THTPA: variants seen among roughly 807,000 people sequenced by gnomAD.
THTPA encodes the protein thiamine triphosphatase.
A neutral mutation model predicts 16.5 loss-of-function variants in THTPA; 16 were observed. The ratio of observed to expected loss-of-function variants is 0.97; its 90% confidence interval spans 0.66 to 1.47. The LOEUF (loss-of-function observed/expected upper bound fraction) is 1.47. Among genes scored for constraint, THTPA ranks in the 40% most tolerant of loss-of-function variants. The pLI is 0.00. For synonymous variants in THTPA, 110 were observed against 115.5 expected (o/e 0.95, Z 0.30); for missense variants, 281 against 280.9 (o/e 1.00, Z 0.00).
the THTPA span, chr14:23,524,303 G>A: frequency 5.2e-6 from 8 of 1,536,230 alleles, no homozygotes; most frequent in African/African-American, 1.4e-5. This position sits in a 1 kb window ranked among gnomAD's most constrained non-coding sequence, Gnocchi z 5.6. Context: ...TGTTGGGTTG[G>A]AATCCTGCAT....
the THTPA span, chr14:23,521,871 G>C: frequency 6.7e-7 from 1 of 1,502,368 alleles, no homozygotes; most frequent in Non-Finnish European, 8.8e-7. Context: ...GCCAGGGGGT[G>C]GGGTGAGGGA....
At chr14:23,551,623 G>T, upstream of THTPA, 1 of 153,492 alleles carries the variant, frequency 6.5e-6, no homozygotes, top group South Asian at 1.8e-4. This position sits in a 1 kb window ranked among gnomAD's most constrained non-coding sequence, Gnocchi z 5.3. Flanking sequence ...GGTTTCCATT[G>T]ATTCACCCTG....
chr14:23,531,541 C>T, the THTPA span: 1 of 1,518,792 alleles, frequency 6.6e-7, no homozygotes, highest in East Asian at 2.5e-5. Context: ...GCGAGTCCTT[C>T]CTCAGTGGTT....
chr14:23,514,340 GA>G, the THTPA span: 1 of 152,850 alleles, frequency 6.5e-6, no homozygotes, highest in Non-Finnish European at 1.5e-5. Context: ...CCCCAAGGAA[GA>G]AGGATGGAAA....
At position 23,559,702 on chromosome 14, in the gene THTPA, C is replaced by G. The variant is rs768677525; in HGVS notation, c.*862C>G. On this transcript the variant is annotated 3_prime_UTR_variant, in exon 2 of 2. Transcript: ENST00000288014. The stretch of plus-strand genomic sequence containing the variant: ...TGTAGGTTCGAAGCTGCTGGGGCCC[C>G]CTGGGGTTTGGGACACAGGAGAATT... The G allele has an allele frequency of 2.5e-6, 4 of 1,595,692 alleles. No individual in the cohort carries two copies. In the African/African-American group the frequency reaches 5.4e-5, roughly 21 times the overall value.
the THTPA span, chr14:23,534,439 A>G: frequency 4.6e-6 from 7 of 1,536,412 alleles, no homozygotes; most frequent in Non-Finnish European, 5.2e-6. This position sits in a 1 kb window ranked among gnomAD's most constrained non-coding sequence, Gnocchi z 4.5. Flanking sequence ...GCGAGCAGGG[A>G]GTTTTGGCTC....
At chr14:23,524,208 C>T in the THTPA span, 1 of 1,536,402 alleles carries the variant, frequency 6.5e-7, no homozygotes, top group African/African-American at 1.4e-5. The surrounding 1 kb of genome is among the most constrained non-coding windows in gnomAD (Gnocchi z 5.6). Context: ...CCTTTCCTCT[C>T]CCGGGCCCTG....
intron 1 of THTPA, 26 bp from the exon 2 acceptor site, chr14:23,558,669 T>G (rs1042997082): frequency 4.6e-5 from 74 of 1,613,854 alleles, no homozygotes; most frequent in Non-Finnish European, 5.8e-5. Context: ...TGTCCATTTC[T>G]CTCCTCATTG....
At chr14:23,522,052 A>T in the THTPA span, 43 of 1,536,354 alleles carry the variant, frequency 2.8e-5, no homozygotes, top group Non-Finnish European at 3.7e-5. Context: ...AAGCCACAGC[A>T]GCCGAGGCAG....
At chr14:23,529,648 T>C in the THTPA span, 4 of 1,416,762 alleles carry the variant, frequency 2.8e-6, no homozygotes, top group Non-Finnish European at 2.9e-6. Context: ...CTTTAGAATA[T>C]GAGCAGATCT....
the THTPA span, chr14:23,523,599 T>C: frequency 1.3e-6 from 2 of 1,554,574 alleles, no homozygotes; most frequent in Non-Finnish European, 1.7e-6. The surrounding 1 kb of genome is among the most constrained non-coding windows in gnomAD (Gnocchi z 4.1). Context: ...GCACGAGCAT[T>C]CTGGAACCAG....
chr14:23,558,395 G>A (rs1882798922), intron 1 of THTPA, among the ~76,000 whole-genome samples: 1 of 152,220 alleles, frequency 6.6e-6, no homozygotes, highest in Non-Finnish European at 1.5e-5. Context: ...ATGAGCTGAC[G>A]CTGAGGCATC....
At chr14:23,557,411 T>C in intron 1 of THTPA, 107 bp downstream of exon 1, 12 of 1,283,480 alleles carry the variant, frequency 9.3e-6, no homozygotes, top group Non-Finnish European at 1.2e-5. Context: ...AAAAATTTTT[T>C]TTTTAATAGA....
chr14:23,525,720 G>A, the THTPA span: 12 of 1,514,128 alleles, frequency 7.9e-6, no homozygotes, highest in Admixed American at 6.0e-5. The surrounding 1 kb of genome is among the most constrained non-coding windows in gnomAD (Gnocchi z 5.9). Context: ...TCCCACTCCC[G>A]CTCAGCCAGC....
chr14:23,524,957 G>A, the THTPA span: 1 of 1,536,272 alleles, frequency 6.5e-7, no homozygotes, highest in South Asian at 1.2e-5. The surrounding 1 kb of genome is among the most constrained non-coding windows in gnomAD (Gnocchi z 5.6). Flanking sequence ...GCCTCCTCCG[G>A]TTGGCATGGA....
the THTPA span, chr14:23,530,280 C>A: frequency 9.4e-7 from 1 of 1,064,524 alleles, no homozygotes; most frequent in Non-Finnish European, 1.4e-6. Context: ...GGACAAGCAG[C>A]CAGTCAATGA....
chr14:23,540,041 G>A, the THTPA span, among the ~76,000 whole-genome samples: 1 of 152,198 alleles, frequency 6.6e-6, no homozygotes, highest in African/African-American at 2.4e-5. Context: ...AGGCTGGAGT[G>A]CAGTGTCACC....
the THTPA span, among the ~76,000 whole-genome samples, chr14:23,517,087 C>T: frequency 6.6e-6 from 1 of 152,126 alleles, no homozygotes; most frequent in South Asian, 2.1e-4. Flanking sequence ...GACTTCTTTC[C>T]ATGGCTGCGG....
At chr14:23,522,508 G>A in the THTPA span, 27 of 1,531,868 alleles carry the variant, frequency 1.8e-5, no homozygotes, top group Non-Finnish European at 2.3e-5. Flanking sequence ...GCCCAATGAG[G>A]GTCTGAGGTA....
Sources: allele counts gnomAD v4.1 joint callset (sites outside exome capture counted in the v4.1 genomes callset), GRCh38; gene constraint gnomAD v4.1.1; non-coding constraint Gnocchi (gnomAD v3.1); transcripts MANE v1.5; gene names NCBI Gene and HGNC (gene_info 2026-07-23, HGNC 2026-07-21).